Variants in CACNA1C observed in about 807,000 individuals in gnomAD.
The protein encoded by CACNA1C is voltage-dependent L-type calcium channel subunit alpha-1C.
A neutral mutation model predicts 229.0 loss-of-function variants in CACNA1C; 30 were observed. That is an observed-to-expected ratio of 0.13 (90% CI 0.10 to 0.18). CACNA1C has a LOEUF of 0.18. Among genes scored for constraint, CACNA1C ranks in the 10% least tolerant of loss-of-function variants. CACNA1C has a pLI of 1.00. For missense variants in CACNA1C, 1,658 were observed against 2,845.0 expected, an observed-to-expected ratio of 0.58 and a Z score of 9.49; for synonymous variants, 1,114 against 1,132.5, an observed-to-expected ratio of 0.98 and a Z score of 0.33.
At chr12:2,155,927 A>G (rs1217839672) in intron 3 of CACNA1C, among the ~76,000 whole-genome samples, 2 of 152,146 alleles carry the variant, frequency 1.3e-5, no homozygotes, top group African/African-American at 2.4e-5. Flanking sequence ...TCCCCTCCAT[A>G]GTTCCCCAAT....
intron 3 of CACNA1C, among the ~76,000 whole-genome samples, chr12:2,171,162 G>GA (rs1316826425): frequency 6.6e-6 from 1 of 152,228 alleles, no homozygotes. Flanking sequence ...GAAGGCCAGG[G>GA]AAGGGCAGGG....
chr12:2,572,295 T>TC (rs2054948305), intron 13 of CACNA1C, among the ~76,000 whole-genome samples: 1 of 110,028 alleles, frequency 9.1e-6, no homozygotes, highest in Non-Finnish European at 1.9e-5. Flanking sequence ...ACTTGATTAT[T>TC]ATTCCTCCTC....
chr12:2,543,663 T>C (rs374226686), intron 9 of CACNA1C, among the ~76,000 whole-genome samples: 4 of 152,228 alleles, frequency 2.6e-5, no homozygotes, highest in Admixed American at 2.6e-4. Flanking sequence ...CCTTTAGATA[T>C]ATGCAGTGCC....
chr12:2,320,924 A>G (rs996648750), intron 3 of CACNA1C, among the ~76,000 whole-genome samples: 1 of 152,134 alleles, frequency 6.6e-6, no homozygotes, highest in Non-Finnish European at 1.5e-5. Flanking sequence ...GACCTGCCAG[A>G]CAAGCTAGAC....
intron 5 of CACNA1C, among the ~76,000 whole-genome samples, chr12:2,478,992 G>A (rs1014407085): frequency 1.2e-4 from 18 of 152,284 alleles, no homozygotes; most frequent in African/African-American, 3.4e-4. Context: ...GAGACTCTCC[G>A]ATAGTATTTT....
chr12:2,110,384 G>A (rs781327745), intron 1 of CACNA1C, among the ~76,000 whole-genome samples: 9 of 152,300 alleles, frequency 5.9e-5, no homozygotes, highest in African/African-American at 9.6e-5. Context: ...CCTGATCTGC[G>A]AGGCAGCTGC....
chr12:2,203,231 G>A (rs909138659), intron 3 of CACNA1C, among the ~76,000 whole-genome samples: 1 of 152,096 alleles, frequency 6.6e-6, no homozygotes, highest in African/African-American at 2.4e-5. Context: ...TGGGATGTCC[G>A]CCTGCGATCC....
chr12:2,335,299 C>G (rs565281015), intron 3 of CACNA1C, among the ~76,000 whole-genome samples: 2 of 152,140 alleles, frequency 1.3e-5, no homozygotes, highest in African/African-American at 2.4e-5. Context: ...CAGGCTCCCA[C>G]CTTCCGGAAG....
chr12:2,117,505 G>C (rs1163031222), intron 2 of CACNA1C, among the ~76,000 whole-genome samples: 5 of 152,218 alleles, frequency 3.3e-5, no homozygotes, highest in Non-Finnish European at 7.3e-5. Context: ...AGGCACCCCT[G>C]AGAGAAGGGC....
At chr12:2,084,216 G>A (rs1308749256) in intron 1 of CACNA1C, among the ~76,000 whole-genome samples, 1 of 152,178 alleles carries the variant, frequency 6.6e-6, no homozygotes, top group Non-Finnish European at 1.5e-5. Context: ...GGGCAGGCCT[G>A]TCTTTAGCAT....
At chr12:2,256,071 T>TGACTAGTTTACAATCACATGATCC (rs1566709880) in intron 3 of CACNA1C, among the ~76,000 whole-genome samples, 3 of 152,252 alleles carry the variant, frequency 2.0e-5, no homozygotes, top group Admixed American at 6.5e-5. Flanking sequence ...GATCCTGACC[T>TGACTAGTTTACAATCACATGATCC]TACTAGTTTA....
At chr12:1,994,155 G>C (rs2040222643) in intron 1 of CACNA1C, among the ~76,000 whole-genome samples, 1 of 152,302 alleles carries the variant, frequency 6.6e-6, no homozygotes, top group South Asian at 2.1e-4. Flanking sequence ...AACTACATGT[G>C]CATTCATCTA....
At position 2,581,656 on chromosome 12, in the gene CACNA1C, G is replaced by A; in HGVS notation, c.1962G>A (p.Leu654=). Residue 654 remains leucine, a synonymous_variant, in exon 14 of 47, where the codon CTG becomes CTA. Transcript: ENST00000399655. The part of the protein sequence containing the change: ...LLNSVRSIAS[L]LLLLFLFIII... ...ACTCTGTGCGCTCCATCGCCTCCCT[G>A]CTCCTTCTCCTCTTCCTCTTCATCA... 3 of 1,606,138 alleles carry A rather than the reference G, an allele frequency of 1.9e-6. No individual in the cohort carries two copies. Among genetic ancestry groups the A allele is most frequent in the Non-Finnish European group, 2.6e-6 (3 of 1,176,064 alleles).
chr12:2,066,132 A>G (rs2059175944), intron 1 of CACNA1C, among the ~76,000 whole-genome samples: 1 of 151,946 alleles, frequency 6.6e-6, no homozygotes, highest in Non-Finnish European at 1.5e-5. Flanking sequence ...CAGGCAAGAG[A>G]GGGAAGGAGT....
intron 30 of CACNA1C, chr12:2,641,574 C>T (rs952223458): frequency 8.2e-6 from 5 of 608,502 alleles, no homozygotes; most frequent in East Asian, 2.9e-5. Context: ...TTCCCACTTT[C>T]GGCAACAGCC....
At position 2,403,787 on chromosome 12, in the gene CACNA1C, C is replaced by G. The variant is rs1011365032; in HGVS notation, c.478-45189C>G. Among the ~76,000 whole-genome samples, 1 of 152,148 alleles carries G rather than the reference C, an allele frequency of 6.6e-6. No homozygotes were observed. Among genetic ancestry groups the G allele is most frequent in the Admixed American group, 6.5e-5 (1 of 15,280 alleles). ...TCACTCAGGGGCTGCGTGGAGCACT[C>G]GGTGCCTTTCCCACCACAAGATGAC... On this transcript the variant is annotated intron_variant, in intron 3 of 46. Coordinates refer to ENST00000399655, the MANE Select transcript of CACNA1C (RefSeq NM_000719.7). This position sits in a 1 kb window ranked among gnomAD's most constrained non-coding sequence, Gnocchi z 4.1.
intron 11 of CACNA1C, among the ~76,000 whole-genome samples, chr12:2,559,437 G>T (rs1356883727): frequency 6.6e-6 from 1 of 152,166 alleles, no homozygotes; most frequent in African/African-American, 2.4e-5. Context: ...AAGAGCAGTG[G>T]TGCCTGTAAA....
chr12:2,165,126 T>TA (rs1022102719), intron 3 of CACNA1C, among the ~76,000 whole-genome samples: 3 of 152,198 alleles, frequency 2.0e-5, no homozygotes, highest in African/African-American at 7.2e-5. Flanking sequence ...TGGGAAGACT[T>TA]ACAAAAACAT....
intron 1 of CACNA1C, among the ~76,000 whole-genome samples, chr12:2,079,059 T>G (rs561520862): frequency 7.1e-6 from 1 of 140,674 alleles, no homozygotes; most frequent in Non-Finnish European, 1.5e-5. Context: ...TGTTCTCACT[T>G]ATAGGTGGGA....
Sources: allele counts gnomAD v4.1 joint callset (sites outside exome capture counted in the v4.1 genomes callset), GRCh38; gene constraint gnomAD v4.1.1; non-coding constraint Gnocchi (gnomAD v3.1); transcripts MANE v1.5; gene names NCBI Gene and HGNC (gene_info 2026-07-23, HGNC 2026-07-21).